CROCC: variants seen among roughly 807,000 people sequenced by gnomAD.
The protein encoded by CROCC is ciliary rootlet coiled-coil, rootletin.
CROCC carries 180 observed loss-of-function variants against 245.2 expected under a neutral mutation model. The ratio of observed to expected loss-of-function variants is 0.73; its 90% CI spans 0.65 to 0.83. CROCC has a LOEUF of 0.83. Ranked by LOEUF, CROCC falls within the 40% of genes least tolerant of loss-of-function variation. The pLI is 0.00. For synonymous variants in CROCC, 1,205 were observed against 1,241.6 expected (o/e 0.97, Z 0.62); for missense variants, 2,688 against 2,779.4 (o/e 0.97, Z 0.74).
intron 27 of CROCC, among the ~76,000 whole-genome samples, chr1:16,963,863 T>C (rs2076373966): frequency 6.6e-6 from 1 of 152,028 alleles, no homozygotes; most frequent in Non-Finnish European, 1.5e-5. Flanking sequence ...TGGCGCGATC[T>C]CGACTCACTG....
Position 16,916,447 on chromosome 1 carries a change from C to T in CROCC, n.126-13839C>T, listed in dbSNP as rs1331197428. On this transcript the variant is annotated intron_variant and non_coding_transcript_variant, in intron 1 of 8. Coordinates refer to the CROCC transcript ENST00000466256. ...AGGCAGTGGCTTATATAATACACAT[C>T]GGCGTCCTGGGGTGGTGCCAGGTAC... Among the ~76,000 whole-genome samples the T allele has an allele frequency of 2.6e-5, 4 of 152,266 alleles. No individual in the cohort carries two copies. The South Asian group carries it at 6.2e-4, about 24-fold the overall frequency.
chr1:16,936,590 G>T, intron 8 of CROCC, 47 bp from the exon 9 acceptor site: 1 of 1,502,802 alleles, frequency 6.7e-7, no homozygotes, highest in Non-Finnish European at 8.9e-7. Context: ...TTAATTTGTA[G>T]TTGGGAGCAA....
At position 16,956,045 on chromosome 1, in the gene CROCC, G is replaced by A; in HGVS notation, c.3753G>A (p.Glu1251=). The A allele has an allele frequency of 6.4e-7, 1 of 1,551,188 alleles. No individual in the cohort carries two copies. The highest frequency in any genetic ancestry group is 2.0e-5 in the Admixed American group (1 of 51,002). ...AGGAGCAGAAGCTGGCACTCCTAGA[G>A]GAGGCACGGACAGCTGTGGGCAAGG... ...EDKEQKLALL[E]EARTAVGKEA... is the part of the protein sequence containing the mutation. Residue 1251 remains glutamate (E), a synonymous_variant, in exon 25 of 37, where the codon GAG becomes GAA. Coordinates refer to ENST00000375541, the MANE Select transcript of CROCC (RefSeq NM_014675.5).
At chr1:16,917,073 G>A (rs532563876), upstream of CROCC, among the ~76,000 whole-genome samples, 120 of 152,356 alleles carry the variant, frequency 7.9e-4, no homozygotes, top group African/African-American at 1.8e-3. Context: ...AGCCGAGATC[G>A]TGCCATTGCA....
intron 8 of CROCC, among the ~76,000 whole-genome samples, chr1:16,934,962 C>T (rs754679119): frequency 2.7e-5 from 4 of 150,238 alleles, no homozygotes; most frequent in Non-Finnish European, 5.9e-5. Flanking sequence ...TGCAGTGGCA[C>T]GATCTTGGCT....
Position 16,939,752 on chromosome 1 carries a change from G to A in CROCC, c.1609-142G>A, listed in dbSNP as rs867055216. 9.1e-5 allele frequency: 94 copies of A among 1,028,848 alleles called. 1 individual carries two copies. The South Asian group carries it at 1.4e-3, about 16-fold the overall frequency. The allele number at this position is 1,028,848 out of a possible 1,614,324, so 63.7% of individuals were successfully genotyped here. A position where few individuals can be genotyped will look rare whatever the true frequency, so the allele number is the denominator to read the frequency against. ...AGCGGAAGCCTGGCTCTCAGGCCTA[G>A]GCCCCTATCCTGCCCCAGGCCAGGT... On this transcript the variant is annotated intron_variant, in intron 12 of 36. Coordinates refer to ENST00000375541, the MANE Select transcript of CROCC (RefSeq NM_014675.5).
intron 31 of CROCC, 109 bp from the exon 32 acceptor site, chr1:16,969,007 G>A (rs1422325522): frequency 1.0e-5 from 11 of 1,053,170 alleles, no homozygotes; most frequent in South Asian, 4.1e-5. Flanking sequence ...GGCCCAGAGA[G>A]AAGTGGGAAG....
intron 19 of CROCC, among the ~76,000 whole-genome samples, chr1:16,949,424 C>T (rs1382912245): frequency 2.0e-5 from 3 of 152,238 alleles, no homozygotes; most frequent in Admixed American, 6.5e-5. Flanking sequence ...CCATGTACAC[C>T]TGAGCCAGAC....
chr1:16,972,220 G>A, intron 36 of CROCC, 140 bp from the exon 37 acceptor site: 3 of 728,312 alleles, frequency 4.1e-6, no homozygotes, highest in South Asian at 3.1e-5. Context: ...AATGAGAAAG[G>A]CAGGACAGCC....
In CROCC at chr1:16,938,581, TG is replaced by T. The variant is rs1475088477; in HGVS notation, c.1374+103del. The stretch of plus-strand genomic sequence containing the variant: ...GACCTGGGACTGAACTGCAAATGGG[TG>T]GGGGCCTGGGACCCAGGCTGTAGCT... On this transcript the variant is annotated intron_variant, in intron 11 of 36. Coordinates refer to ENST00000375541, the MANE Select transcript of CROCC (RefSeq NM_014675.5). The T allele has an allele frequency of 4.3e-6, 5 of 1,154,872 alleles. No individual in the cohort carries two copies. In the African/African-American group the frequency reaches 4.5e-5, roughly 10 times the overall value. 71.5% of individuals were successfully genotyped at this position (1,154,872 alleles called of 1,614,324 possible).
At chr1:16,920,863 C>T (rs1223557920), upstream of CROCC, among the ~76,000 whole-genome samples, 1 of 152,046 alleles carries the variant, frequency 6.6e-6, no homozygotes, top group Non-Finnish European at 1.5e-5. Flanking sequence ...CCTGCCTCAG[C>T]CTCCCAAGTA....
At chr1:16,957,014 A>G (rs1298965786) in intron 25 of CROCC, among the ~76,000 whole-genome samples, 1 of 152,324 alleles carries the variant, frequency 6.6e-6, no homozygotes, top group Non-Finnish European at 1.5e-5. Flanking sequence ...GCTCACACCT[A>G]TAATCTCAGC....
chr1:16,941,111 T>G (rs1253471907), intron 13 of CROCC: 3 of 182,782 alleles, frequency 1.6e-5, no homozygotes, highest in African/African-American at 7.1e-5. Context: ...TCCTCCCACC[T>G]CAGCCTCCCA....
Position 16,948,329 on chromosome 1 carries a change from A to C in CROCC, c.2515-2A>C. ...GCTACTCAGTCTCTGGGTGGGGGCCAGCTCTCCCGGCAGCTGAGCGGGCGG... is the reference window on the plus strand; with the variant it reads ...GCTACTCAGTCTCTGGGTGGGGGCCCGCTCTCCCGGCAGCTGAGCGGGCGG... On this transcript the variant is annotated splice_acceptor_variant, in intron 17 of 36. Coordinates refer to ENST00000375541, the MANE Select transcript of CROCC (RefSeq NM_014675.5). LOFTEE classifies it high-confidence loss of function. 2 of 1,560,792 alleles carry C rather than the reference A, an allele frequency of 1.3e-6. No homozygotes were observed. The highest frequency in any genetic ancestry group is 8.6e-7 in the Non-Finnish European group (1 of 1,158,458).
In CROCC at chr1:16,930,113, C is replaced by T. The variant is rs183343569; in HGVS notation, c.538-11C>T. 1,354 of 1,586,502 alleles carry T rather than the reference C, an allele frequency of 8.5e-4. 2 individuals are homozygous for T. The African/African-American group carries it at 0.015, about 17-fold the overall frequency. ...AACCCCTGGGGCTCACCATCAGCTCCCCATCCCCAGATTCTCCAGTACAAG... is the reference window on the plus strand; with the variant it reads ...AACCCCTGGGGCTCACCATCAGCTCTCCATCCCCAGATTCTCCAGTACAAG... On this transcript the variant is annotated splice_polypyrimidine_tract_variant and intron_variant, in intron 4 of 36. Transcript: ENST00000375541.
At chr1:16,944,630 T>C (rs1319739802) in intron 14 of CROCC, among the ~76,000 whole-genome samples, 16 of 152,270 alleles carry the variant, frequency 1.1e-4, no homozygotes, top group African/African-American at 3.9e-4. Flanking sequence ...TTTTAAGCAA[T>C]TCAGTTCTCT....
At chr1:16,953,138 C>T in intron 20 of CROCC, 164 bp from the exon 21 acceptor site, 1 of 668,150 alleles carries the variant, frequency 1.5e-6, no homozygotes, top group Non-Finnish European at 2.5e-6. Context: ...TTTCACGGCC[C>T]TGGCGTGTCC....
intron 3 of CROCC, among the ~76,000 whole-genome samples, chr1:16,924,906 G>C (rs2075498745): frequency 6.6e-6 from 1 of 152,270 alleles, no homozygotes; most frequent in Non-Finnish European, 1.5e-5. Context: ...GGCACCCGCG[G>C]TGTTCTGCAG....
intron 3 of CROCC, among the ~76,000 whole-genome samples, chr1:16,927,776 G>C (rs1014323505): frequency 4.6e-5 from 7 of 152,262 alleles, no homozygotes; most frequent in African/African-American, 1.7e-4. Context: ...GACCTCAGTG[G>C]GCTTGGCACA....
Sources: gnomAD v4.1 joint callset for allele counts (sites outside exome capture counted in the v4.1 genomes callset) on GRCh38, gnomAD v4.1.1 for gene constraint, MANE v1.5 for transcripts, NCBI Gene and HGNC (gene_info 2026-07-23, HGNC 2026-07-21) for gene names.